Variants in ROBO2 observed in about 807,000 individuals in gnomAD.
The protein encoded by ROBO2 is roundabout guidance receptor 2.
In ROBO2, 53 loss-of-function variants were observed where a neutral mutation model predicts 160.8. The observed-to-expected ratio is 0.33, with a 90% CI of 0.26 to 0.41. The LOEUF (loss-of-function observed/expected upper bound fraction) is 0.41. Among genes scored for constraint, ROBO2 ranks in the 10% least tolerant of loss-of-function variants. The pLI, the probability that ROBO2 is intolerant of heterozygous loss-of-function variation, is 1.00. For synonymous variants in ROBO2, 664 were observed against 611.7 expected, an observed-to-expected ratio of 1.09 and a Z score of -1.26; for missense variants, 1,577 against 1,722.4, an observed-to-expected ratio of 0.92 and a Z score of 1.49.
chr3:76,489,084 C>CAAAAAAAAA (rs67454494), intron 2 of ROBO2, among the ~76,000 whole-genome samples: 1 of 60,134 alleles, frequency 1.7e-5, no homozygotes, highest in Non-Finnish European at 3.2e-5. Flanking sequence ...GACTCTGTCT[C>CAAAAAAAAA]AAAAAAAAAA....
intron 2 of ROBO2, among the ~76,000 whole-genome samples, chr3:76,207,975 G>A (rs1334164060): frequency 6.6e-6 from 1 of 152,170 alleles, no homozygotes; most frequent in Admixed American, 6.5e-5. Context: ...ATGATAGTGT[G>A]TGAGTTCTTG....
At chr3:76,607,207 G>T (rs112789471) in intron 2 of ROBO2, among the ~76,000 whole-genome samples, 1 of 151,348 alleles carries the variant, frequency 6.6e-6, no homozygotes, top group Non-Finnish European at 1.5e-5. Context: ...CTCCTGGACA[G>T]GAGCAATCCT....
intron 2 of ROBO2, among the ~76,000 whole-genome samples, chr3:76,542,133 C>G (rs148379888): frequency 1.3e-5 from 2 of 152,086 alleles, no homozygotes; most frequent in African/African-American, 4.8e-5. Context: ...CCTCTACCCT[C>G]ATTTTCTTTT....
intron 2 of ROBO2, among the ~76,000 whole-genome samples, chr3:77,011,102 TCTTCTTTCTTTC>T (rs1371174468): frequency 8.0e-6 from 1 of 125,698 alleles, no homozygotes; most frequent in African/African-American, 2.9e-5. Context: ...TTTCTATCTT[TCTTCTTTCTTTC>T]CTTCTTTCTT....
intron 2 of ROBO2, among the ~76,000 whole-genome samples, chr3:76,234,600 A>G (rs1211005476): frequency 6.6e-6 from 1 of 152,104 alleles, no homozygotes; most frequent in East Asian, 1.9e-4. Flanking sequence ...ATGGTATCTC[A>G]TTGTGGTTTT....
At chr3:77,637,082 C>T (rs1227937911) in intron 24 of ROBO2, among the ~76,000 whole-genome samples, 1 of 152,154 alleles carries the variant, frequency 6.6e-6, no homozygotes, top group Non-Finnish European at 1.5e-5. Context: ...CTTTTAAAAA[C>T]TGCACATTAG....
intron 2 of ROBO2, among the ~76,000 whole-genome samples, chr3:77,011,151 C>T (rs775643378): frequency 7.0e-6 from 1 of 142,080 alleles, no homozygotes; most frequent in African/African-American, 2.6e-5. Context: ...CCCTCCCTCC[C>T]TTCCTCCCTT....
intron 2 of ROBO2, among the ~76,000 whole-genome samples, chr3:76,151,267 A>G (rs1317551788): frequency 6.6e-6 from 1 of 152,102 alleles, no homozygotes; most frequent in East Asian, 1.9e-4. Flanking sequence ...CTCATATGGA[A>G]ATCTTTATCT....
Position 76,690,028 on chromosome 3 carries a change from A to G in ROBO2, c.110-407986A>G, listed in dbSNP as rs142062660. Among the ~76,000 whole-genome samples the G allele has an allele frequency of 6.4e-3, 974 of 152,306 alleles. 3 individuals carry two copies. The highest frequency in any genetic ancestry group is 0.011 in the Non-Finnish European group (761 of 68,020). On this transcript the variant is annotated intron_variant, in intron 2 of 26. Transcript: ENST00000487694. ...GTGAAATATAAGGTGCCACAAGAATACATTGCATGGCACCTACATTTACCT... is the reference window on the plus strand; with the variant it reads ...GTGAAATATAAGGTGCCACAAGAATGCATTGCATGGCACCTACATTTACCT...
At chr3:76,948,895 TA>T (rs2078756126) in intron 2 of ROBO2, among the ~76,000 whole-genome samples, 2 of 28,806 alleles carry the variant, frequency 6.9e-5, no homozygotes, top group Admixed American at 5.0e-4. Context: ...TATATATATA[TA>T]TATATATATA....
chr3:77,359,208 G>A (rs1023585959), intron 2 of ROBO2, among the ~76,000 whole-genome samples: 6 of 152,178 alleles, frequency 3.9e-5, no homozygotes, highest in African/African-American at 1.4e-4. Context: ...TCACTGAACT[G>A]CAAAAGCCAA....
chr3:76,514,669 T>C (rs2081263464), intron 2 of ROBO2, among the ~76,000 whole-genome samples: 1 of 152,220 alleles, frequency 6.6e-6, no homozygotes, highest in African/African-American at 2.4e-5. Context: ...TTATTTCTTT[T>C]TTTGGAAACC....
chr3:76,115,508 A>G (rs2070428418), intron 2 of ROBO2, among the ~76,000 whole-genome samples: 2 of 152,120 alleles, frequency 1.3e-5, no homozygotes, highest in Non-Finnish European at 1.5e-5. Context: ...CTTTCATCTC[A>G]GTCCAAGCTG....
At chr3:76,719,691 C>T (rs1392958214) in intron 2 of ROBO2, among the ~76,000 whole-genome samples, 5 of 152,066 alleles carry the variant, frequency 3.3e-5, no homozygotes, top group African/African-American at 7.2e-5. Context: ...TGAGACCAGC[C>T]TGGCCAACAT....
chr3:77,102,636 C>T (rs4624600), intron 2 of ROBO2, among the ~76,000 whole-genome samples: 91,590 of 151,822 alleles, frequency 0.6, 28,479 homozygotes, highest in Middle Eastern at 0.7. Flanking sequence ...TACTATGATA[C>T]GAAATGTGGA....
chr3:76,342,308 T>G (rs1226294390), intron 2 of ROBO2, among the ~76,000 whole-genome samples: 1 of 152,134 alleles, frequency 6.6e-6, no homozygotes, highest in African/African-American at 2.4e-5. Flanking sequence ...AGAAGACACG[T>G]GACTCTCAGG....
intron 2 of ROBO2, among the ~76,000 whole-genome samples, chr3:76,301,594 T>C (rs1709359801): frequency 6.6e-6 from 1 of 152,096 alleles, no homozygotes; most frequent in Admixed American, 6.6e-5. Context: ...AAGTCTCTAA[T>C]GTAGTAAGTG....
At chr3:76,509,145 T>C (rs2080950535) in intron 2 of ROBO2, among the ~76,000 whole-genome samples, 1 of 152,182 alleles carries the variant, frequency 6.6e-6, no homozygotes, top group African/African-American at 2.4e-5. Flanking sequence ...AAAGTTACCT[T>C]TGTAGAAAAA....
At chr3:77,387,633 C>G in intron 2 of ROBO2, among the ~76,000 whole-genome samples, 1 of 151,708 alleles carries the variant, frequency 6.6e-6, no homozygotes, top group East Asian at 1.9e-4. Flanking sequence ...CCAATTCACT[C>G]TACCAAAAGA....
Sources: allele counts gnomAD v4.1 joint callset (sites outside exome capture counted in the v4.1 genomes callset), GRCh38; gene constraint gnomAD v4.1.1; transcripts MANE v1.5; gene names NCBI Gene and HGNC (gene_info 2026-07-23, HGNC 2026-07-21).